TMEM163: variants seen among roughly 807,000 people sequenced by gnomAD.
TMEM163 encodes the protein transmembrane protein 163.
Under a neutral mutation model 29.3 loss-of-function variants are expected in TMEM163, and 17 were observed. The ratio of observed to expected loss-of-function variants is 0.58; its 90% CI spans 0.40 to 0.87. The LOEUF (loss-of-function observed/expected upper bound fraction) is 0.87, where lower values mean the gene tolerates loss of function less well. Ranked by LOEUF, TMEM163 falls within the 40% of genes least tolerant of loss-of-function variation. The probability of loss-of-function intolerance (pLI) is 0.00; values close to 1 mark genes in which losing one functional copy is unlikely to be tolerated. For synonymous variants in TMEM163, 157 were observed against 160.6 expected (o/e 0.98, Z 0.17); for missense variants, 303 against 381.5 (o/e 0.79, Z 1.71).
intron 5 of TMEM163, among the ~76,000 whole-genome samples, chr2:134,480,532 G>A (rs1356523940): frequency 1.3e-5 from 2 of 152,170 alleles, no homozygotes; most frequent in East Asian, 1.9e-4. Flanking sequence ...ATGGCTACAG[G>A]CTATCATACT....
intron 2 of TMEM163, among the ~76,000 whole-genome samples, chr2:134,699,490 C>G (rs1684650017): frequency 6.7e-6 from 1 of 148,798 alleles, no homozygotes. Flanking sequence ...GGCAACAAAG[C>G]AAGGCTCAAT....
intron 5 of TMEM163, among the ~76,000 whole-genome samples, chr2:134,499,688 T>C (rs1679658412): frequency 6.6e-6 from 1 of 152,220 alleles, no homozygotes; most frequent in Admixed American, 6.5e-5. Context: ...AAAAGAAGGC[T>C]GCCAAGGGAC....
At chr2:134,655,903 G>A (rs1368590887) in intron 2 of TMEM163, among the ~76,000 whole-genome samples, 2 of 142,056 alleles carry the variant, frequency 1.4e-5, no homozygotes, top group South Asian at 2.3e-4. Context: ...CAGTCTGCCC[G>A]TTCTCAGATC....
chr2:134,473,794 A>G (rs889225888), intron 5 of TMEM163, among the ~76,000 whole-genome samples: 5 of 152,216 alleles, frequency 3.3e-5, no homozygotes, highest in African/African-American at 1.2e-4. Flanking sequence ...CTTAGAAGAA[A>G]TAGACAAATC....
chr2:134,477,287 C>T (rs35375510), intron 5 of TMEM163, among the ~76,000 whole-genome samples: 5,321 of 152,312 alleles, frequency 0.035, 153 homozygotes, highest in South Asian at 0.13. Context: ...AAGGAACTTA[C>T]AACCTAGTTA....
At chr2:134,456,839 G>T (rs895549541) in intron 7 of TMEM163, 63 bp from the exon 8 acceptor site, 1 of 1,527,094 alleles carries the variant, frequency 6.5e-7, no homozygotes, top group East Asian at 2.4e-5. Context: ...TTGGGGAAGC[G>T]TATTTTCATT....
rs142023710 is a variant in TMEM163 at position 134,684,074 on chromosome 2, T to C, written c.322+29126A>G. Among the ~76,000 whole-genome samples, 109 of 152,278 alleles carry C rather than the reference T, an allele frequency of 7.2e-4. 2 individuals are homozygous for C. In the East Asian group the frequency reaches 0.015, roughly 20 times the overall value. On this transcript the variant is annotated intron_variant, in intron 2 of 7. Transcript: ENST00000281924. ...CATGTGTTAGGACCAATACTCACCATGTCCTGGAAGTAAGTACTATTATCT... is the reference window on the plus strand; with the variant it reads ...CATGTGTTAGGACCAATACTCACCACGTCCTGGAAGTAAGTACTATTATCT...
intron 2 of TMEM163, among the ~76,000 whole-genome samples, chr2:134,701,734 A>G (rs759130430): frequency 6.6e-6 from 1 of 152,006 alleles, no homozygotes; most frequent in African/African-American, 2.4e-5. Flanking sequence ...TCTGGCCAAC[A>G]CGGTAAAACC....
At chr2:134,658,133 C>T (rs1361281180) in intron 2 of TMEM163, among the ~76,000 whole-genome samples, 2 of 152,166 alleles carry the variant, frequency 1.3e-5, no homozygotes, top group Admixed American at 6.5e-5. Flanking sequence ...GATCCACTTG[C>T]GGATTCCTAT....
intron 2 of TMEM163, among the ~76,000 whole-genome samples, chr2:134,647,180 C>G (rs1683353233): frequency 6.6e-6 from 1 of 152,172 alleles, no homozygotes; most frequent in South Asian, 2.1e-4. Flanking sequence ...TTGCTTCCAG[C>G]TCAAATTAAG....
At chr2:134,496,570 G>A (rs1040154475) in intron 5 of TMEM163, among the ~76,000 whole-genome samples, 1 of 152,132 alleles carries the variant, frequency 6.6e-6, no homozygotes, top group Non-Finnish European at 1.5e-5. Flanking sequence ...CACAATCCAT[G>A]GGGACTGGAG....
At chr2:134,666,909 A>G (rs1245812622) in intron 2 of TMEM163, among the ~76,000 whole-genome samples, 1 of 152,188 alleles carries the variant, frequency 6.6e-6, no homozygotes. Flanking sequence ...CCCTTCAGAG[A>G]CATCGTCCTG....
In TMEM163 at chr2:134,704,056, G is replaced by A. The variant is rs117188740; in HGVS notation, c.322+9144C>T. ...CAATCATGGTGGGTCCCCTGCTCAGGAGCTTTCTAATATTGGATTGTGAGC... is the reference window on the plus strand; with the variant it reads ...CAATCATGGTGGGTCCCCTGCTCAGAAGCTTTCTAATATTGGATTGTGAGC... On this transcript the variant is annotated intron_variant, in intron 2 of 7. Coordinates refer to ENST00000281924, the MANE Select transcript of TMEM163 (RefSeq NM_030923.5). Among the ~76,000 whole-genome samples the A allele has an allele frequency of 7.2e-4, 109 of 152,122 alleles. 2 individuals carry two copies. The East Asian group carries it at 0.015, about 20-fold the overall frequency.
At chr2:134,540,673 A>G (rs1291656613) in intron 4 of TMEM163, among the ~76,000 whole-genome samples, 1 of 152,186 alleles carries the variant, frequency 6.6e-6, no homozygotes, top group Non-Finnish European at 1.5e-5. Flanking sequence ...CTCCAGTTCT[A>G]TCCATCACTA....
intron 2 of TMEM163, among the ~76,000 whole-genome samples, chr2:134,695,266 T>C (rs1000667934): frequency 6.6e-6 from 1 of 151,934 alleles, no homozygotes; most frequent in Non-Finnish European, 1.5e-5. Flanking sequence ...CCAGTAGAGA[T>C]GGGGTTTCAC....
At chr2:134,707,027 C>T (rs1684830471) in intron 2 of TMEM163, among the ~76,000 whole-genome samples, 1 of 152,194 alleles carries the variant, frequency 6.6e-6, no homozygotes, top group Non-Finnish European at 1.5e-5. Flanking sequence ...CAGAAGCAGC[C>T]TCCGGGTTTA....
At chr2:134,472,916 C>T (rs1686835732) in intron 5 of TMEM163, among the ~76,000 whole-genome samples, 1 of 152,172 alleles carries the variant, frequency 6.6e-6, no homozygotes. Context: ...AAATCAGTAA[C>T]AGGATGATAT....
At chr2:134,613,084 C>A (rs1055142356) in intron 2 of TMEM163, among the ~76,000 whole-genome samples, 4 of 151,956 alleles carry the variant, frequency 2.6e-5, no homozygotes, top group African/African-American at 7.3e-5. Flanking sequence ...TTAAAAGAAC[C>A]AGATAAAATA....
intron 1 of TMEM163, 36 bp from the exon 2 acceptor site, chr2:134,713,355 T>C (rs1341844931): frequency 1.2e-6 from 2 of 1,611,258 alleles, no homozygotes; most frequent in Admixed American, 1.7e-5. Context: ...GTTAGACATT[T>C]CCTTACTAAG....
Sources: gnomAD v4.1 joint callset for allele counts (sites outside exome capture counted in the v4.1 genomes callset) on GRCh38, gnomAD v4.1.1 for gene constraint, MANE v1.5 for transcripts, NCBI Gene and HGNC (gene_info 2026-07-23, HGNC 2026-07-21) for gene names.